Variants in COL28A1 observed in about 807,000 individuals in gnomAD.
COL28A1 encodes the protein collagen type XXVIII alpha 1 chain, also known as collagen alpha-1(XXVIII) chain.
COL28A1 carries 161 observed loss-of-function variants against 150.2 expected under a neutral mutation model. The ratio of observed to expected loss-of-function variants is 1.07; its 90% CI spans 0.94 to 1.22. The LOEUF (loss-of-function observed/expected upper bound fraction) is 1.22, where lower values mean the gene tolerates loss of function less well. COL28A1 is among the 50% of genes most tolerant of loss of function. The pLI, the probability that COL28A1 is intolerant of heterozygous loss-of-function variation, is 0.00. For synonymous variants in COL28A1, 552 were observed against 469.7 expected, an observed-to-expected ratio of 1.18 and a Z score of -2.26; for missense variants, 1,617 against 1,388.3, an observed-to-expected ratio of 1.16 and a Z score of -2.62.
At chr7:7,532,615 A>G in intron 2 of COL28A1, 137 bp downstream of exon 2, 1 of 1,123,670 alleles carries the variant, frequency 8.9e-7, no homozygotes, top group Non-Finnish European at 1.2e-6. Context: ...TATTATCATC[A>G]TATAATTTTA....
In COL28A1 at chr7:7,490,628, CA is replaced by C; in HGVS notation, c.1044del (p.Gly349ValfsTer89). The C allele has an allele frequency of 7.4e-7, 1 of 1,355,074 alleles. No individual in the cohort carries two copies. Among genetic ancestry groups the C allele is most frequent in the Non-Finnish European group, 1.1e-6 (1 of 944,598 alleles). 83.9% of individuals were successfully genotyped at this position (1,355,074 alleles called of 1,614,324 possible). ...GGAGCTCCTGGAGAACCATAAGGACCAGGAGGACCTGGCTCACCCTGGAGGA... is the reference window on the plus strand; with the variant it reads ...GGAGCTCCTGGAGAACCATAAGGACCGGAGGACCTGGCTCACCCTGGAGGA... ...FQGNKGEPGP[P>X]GPYGSPGAPG... On this transcript the variant is annotated frameshift_variant, in exon 12 of 35. Transcript: ENST00000399429. LOFTEE classifies it high-confidence loss of function.
intron 3 of COL28A1, among the ~76,000 whole-genome samples, chr7:7,529,090 T>A (rs781294236): frequency 6.6e-6 from 1 of 151,774 alleles, no homozygotes; most frequent in African/African-American, 2.4e-5. Flanking sequence ...TCACCTGAGG[T>A]CAGGAGTTTG....
At chr7:7,515,785 G>A (rs980900139) in intron 8 of COL28A1, 29 bp downstream of exon 8, 21 of 906,800 alleles carry the variant, frequency 2.3e-5, no homozygotes, top group Non-Finnish European at 5.5e-6. Context: ...TTGAAATTCT[G>A]GTCAATCTAT....
intron 27 of COL28A1, among the ~76,000 whole-genome samples, chr7:7,383,910 ATAT>A (rs1330184418): frequency 6.6e-6 from 1 of 152,162 alleles, no homozygotes; most frequent in African/African-American, 2.4e-5. Context: ...ATCGAAACAA[ATAT>A]TATATAAAAT....
At chr7:7,539,640 T>A (rs1213330117), upstream of COL28A1, among the ~76,000 whole-genome samples, 1 of 152,180 alleles carries the variant, frequency 6.6e-6, no homozygotes, top group African/African-American at 2.4e-5. Context: ...AAAATTATCA[T>A]TGGTAATAAA....
intron 3 of COL28A1, among the ~76,000 whole-genome samples, chr7:7,525,863 A>C (rs1781995954): frequency 6.6e-6 from 1 of 152,212 alleles, no homozygotes; most frequent in South Asian, 2.1e-4. Flanking sequence ...TATATAAAAA[A>C]GGACAAAGTT....
intron 1 of COL28A1, among the ~76,000 whole-genome samples, chr7:7,534,203 T>C (rs572803935): frequency 6.6e-6 from 1 of 152,258 alleles, no homozygotes; most frequent in Admixed American, 6.5e-5. Flanking sequence ...GAACTTTGGA[T>C]AGGTATGACC....
At chr7:7,498,331 G>A (rs1339574029) in intron 11 of COL28A1, among the ~76,000 whole-genome samples, 1 of 152,120 alleles carries the variant, frequency 6.6e-6, no homozygotes, top group African/African-American at 2.4e-5. Context: ...AGCACAAAAT[G>A]AGTTGCTGGT....
intron 27 of COL28A1, among the ~76,000 whole-genome samples, chr7:7,406,181 T>C (rs1274123728): frequency 6.6e-6 from 1 of 152,168 alleles, no homozygotes; most frequent in African/African-American, 2.4e-5. Context: ...TACTGAACAC[T>C]AGGATTTAGA....
chr7:7,444,394 G>A, intron 19 of COL28A1, 24 bp downstream of exon 19: 2 of 1,613,600 alleles, frequency 1.2e-6, no homozygotes, highest in South Asian at 1.1e-5. Flanking sequence ...TCCTACTCCA[G>A]TAATACGAAA....
chr7:7,346,040 C>G, the COL28A1 span, among the ~76,000 whole-genome samples: 31 of 151,926 alleles, frequency 2.0e-4, no homozygotes, highest in Non-Finnish European at 8.8e-5. Context: ...TCATGTGATC[C>G]TGAGCTTTAA....
chr7:7,499,392 A>T (rs1780397219), intron 11 of COL28A1, among the ~76,000 whole-genome samples: 1 of 152,218 alleles, frequency 6.6e-6, no homozygotes, highest in African/African-American at 2.4e-5. Flanking sequence ...GGACAACTAG[A>T]AAAGCTGACA....
chr7:7,410,866 C>T (rs1469469046), intron 27 of COL28A1, among the ~76,000 whole-genome samples: 1 of 152,052 alleles, frequency 6.6e-6, no homozygotes, highest in Admixed American at 6.6e-5. Context: ...TACTTCAAAC[C>T]CATCTCTGAC....
chr7:7,473,434 A>C lies in COL28A1; in HGVS notation c.1302+1167T>G, dbSNP rs139475049. 2.6e-3 allele frequency among the ~76,000 whole-genome samples: 400 copies of C among 152,346 alleles called. 9 individuals are homozygous for C. The East Asian group carries it at 0.067, about 25-fold the overall frequency. On this transcript the variant is annotated intron_variant, in intron 15 of 34. Transcript: ENST00000399429. ...TACAAATGGCCAACAAACATGAAAA[A>C]ATGCTCAACATCACTAACGATCAGA...
intron 3 of COL28A1, among the ~76,000 whole-genome samples, chr7:7,527,232 G>T (rs1782074515): frequency 6.6e-6 from 1 of 152,182 alleles, no homozygotes; most frequent in East Asian, 1.9e-4. Flanking sequence ...CCATCCCTGA[G>T]GGCTCTTATA....
intron 4 of COL28A1, among the ~76,000 whole-genome samples, chr7:7,522,382 A>G (rs1039667331): frequency 6.6e-6 from 1 of 152,188 alleles, no homozygotes; most frequent in African/African-American, 2.4e-5. Context: ...ATAATATTAA[A>G]TGCTCCTTTA....
chr7:7,460,350 A>C (rs1318031595), intron 15 of COL28A1, among the ~76,000 whole-genome samples: 1 of 151,468 alleles, frequency 6.6e-6, no homozygotes, highest in Admixed American at 6.6e-5. Context: ...GGATGGATAT[A>C]CACTTCTATA....
chr7:7,391,073 T>G (rs1782511964), intron 27 of COL28A1, among the ~76,000 whole-genome samples: 1 of 152,216 alleles, frequency 6.6e-6, no homozygotes, highest in Non-Finnish European at 1.5e-5. Context: ...GATGTTAGGG[T>G]GTCGATTTTA....
intron 25 of COL28A1, 107 bp from the exon 26 acceptor site, chr7:7,420,060 T>G (rs1339684294): frequency 1.2e-5 from 7 of 583,404 alleles, no homozygotes. Flanking sequence ...ACTAAGGTAT[T>G]AATTGAACCC....
Sources: allele counts gnomAD v4.1 joint callset (sites outside exome capture counted in the v4.1 genomes callset), GRCh38; gene constraint gnomAD v4.1.1; transcripts MANE v1.5; gene names NCBI Gene and HGNC (gene_info 2026-07-23, HGNC 2026-07-21).